ARPP21: variants seen among roughly 807,000 people sequenced by gnomAD.
The protein encoded by ARPP21 is cAMP regulated phosphoprotein 21, also known as cAMP-regulated phosphoprotein 21.
A neutral mutation model predicts 113.2 loss-of-function variants in ARPP21; 69 were observed. The observed-to-expected ratio is 0.61, with a 90% confidence interval of 0.50 to 0.74. The LOEUF is 0.74. ARPP21 is among the 30% of genes least tolerant of loss of function. The pLI is 0.00. For synonymous variants in ARPP21, 368 were observed against 375.5 expected (o/e 0.98, Z 0.23); for missense variants, 1,070 against 1,037.4 (o/e 1.03, Z -0.43).
In ARPP21 at chr3:35,709,031, G is replaced by A. The variant is rs1407066170; in HGVS notation, c.858G>A (p.Glu286=). ...GTAAATCAATTGAAGAGAGAGAAGA[G>A]GAATATCAGAGAGTGAGGGAGAGAA... The part of the protein sequence containing the change: ...RRSKSIEERE[E]EYQRVRERIF... The change falls in exon 11 of 21, where the codon GAG becomes GAA. Residue 286 remains glutamate (E), a synonymous_variant. Coordinates refer to ENST00000684406, the MANE Select transcript of ARPP21 (RefSeq NM_001385562.1). 6.2e-7 allele frequency: 1 copy of A among 1,613,612 alleles called. No individual in the cohort carries two copies. Among genetic ancestry groups the A allele is most frequent in the African/African-American group, 1.3e-5 (1 of 74,910 alleles).
At position 35,793,782 on chromosome 3, in the gene ARPP21, G is replaced by C; in HGVS notation, c.2368G>C (p.Gly790Arg). ...CATGCTACCTAACCAGGCAGGTCAAGGGTCACTCCCAGCCACTGGAATGCC... is the reference window on the plus strand; with the variant it reads ...CATGCTACCTAACCAGGCAGGTCAACGGTCACTCCCAGCCACTGGAATGCC... ...PIMLPNQAGQ[G>R]SLPATGMPVY... The change falls in exon 21 of 21, where the codon GGG (glycine) becomes CGG (arginine). Residue 790 changes from glycine to arginine, a missense_variant. Coordinates refer to ENST00000684406, the MANE Select transcript of ARPP21 (RefSeq NM_001385562.1). The C allele has an allele frequency of 1.2e-6, 2 of 1,614,124 alleles. No homozygotes were observed. The highest frequency in any genetic ancestry group is 1.6e-4 in the Middle Eastern group (1 of 6,062).
chr3:35,706,208 G>A (rs916937293), intron 9 of ARPP21, among the ~76,000 whole-genome samples: 1 of 152,170 alleles, frequency 6.6e-6, no homozygotes, highest in Admixed American at 6.5e-5. Flanking sequence ...ATCATTCATT[G>A]AGTTCTGTGG....
chr3:35,685,033 T>C (rs1226428258), intron 5 of ARPP21: 18 of 984,834 alleles, frequency 1.8e-5, no homozygotes, highest in Non-Finnish European at 1.8e-5. Context: ...ATTGATGGCT[T>C]GTAATGTACT....
At chr3:35,792,295 C>A (rs910499855) in intron 19 of ARPP21, 87 bp from the exon 20 acceptor site, 1 of 1,138,430 alleles carries the variant, frequency 8.8e-7, no homozygotes. Flanking sequence ...TGTCTGAAGG[C>A]TGCCTTTTGA....
At chr3:35,688,794 C>A (rs1240544542) in intron 6 of ARPP21, among the ~76,000 whole-genome samples, 5 of 151,396 alleles carry the variant, frequency 3.3e-5, no homozygotes, top group Admixed American at 3.3e-4. Flanking sequence ...CTTTGGACAG[C>A]ATTAGGATAT....
rs2078427596 is a variant in ARPP21, at chr3:35,679,918, C to T, written c.-81C>T. ...TCCTGGCGTAGAACGACAGAAGCCG[C>T]TAGTAAGTCGCCAAGACCTACAGCA... On this transcript the variant is annotated 5_prime_UTR_variant, in exon 2 of 21. Transcript: ENST00000684406. 1 of 152,226 alleles carries T rather than the reference C, an allele frequency of 6.6e-6. No homozygotes were observed. The highest frequency in any genetic ancestry group is 2.1e-4 in the South Asian group (1 of 4,826). The allele number at this position is 152,226 out of a possible 1,614,324, so 9.4% of individuals were successfully genotyped here.
intron 9 of ARPP21, among the ~76,000 whole-genome samples, chr3:35,701,729 C>A (rs2086481748): frequency 6.6e-6 from 1 of 150,728 alleles, no homozygotes. Flanking sequence ...ATAGATAAAT[C>A]AAAAAGGACA....
chr3:35,668,027 A>AAGGAGAAGG (rs1553646508), intron 1 of ARPP21, among the ~76,000 whole-genome samples: 10 of 132,362 alleles, frequency 7.6e-5, no homozygotes, highest in African/African-American at 2.0e-4. Flanking sequence ...GAAGAAGAAG[A>AAGGAGAAGG]AGAAGGAGAA....
intron 19 of ARPP21, among the ~76,000 whole-genome samples, chr3:35,791,221 T>C (rs1162274768): frequency 2.3e-4 from 35 of 152,220 alleles, no homozygotes; most frequent in Admixed American, 2.2e-3. Context: ...AATATATAGA[T>C]TACTTATGAA....
intron 9 of ARPP21, among the ~76,000 whole-genome samples, chr3:35,701,443 C>A (rs747146625): frequency 6.6e-6 from 1 of 151,592 alleles, no homozygotes; most frequent in Non-Finnish European, 1.5e-5. Context: ...ATCTATCTGA[C>A]CTGTGTGACT....
At chr3:35,688,516 C>A (rs2081269613) in intron 6 of ARPP21, among the ~76,000 whole-genome samples, 1 of 151,580 alleles carries the variant, frequency 6.6e-6, no homozygotes, top group African/African-American at 2.4e-5. Context: ...CCATACCTAT[C>A]ATGGTACAAA....
intron 19 of ARPP21, among the ~76,000 whole-genome samples, chr3:35,751,031 A>G (rs745914750): frequency 7.2e-5 from 11 of 152,184 alleles, no homozygotes; most frequent in African/African-American, 9.7e-5. Context: ...GGACAGTTCA[A>G]CAATCTGCCT....
rs137919871 is a variant in ARPP21 at position 35,647,612 on chromosome 3, G to T, written c.-213+7214G>T. Among the ~76,000 whole-genome samples the T allele has an allele frequency of 3.2e-3, 487 of 152,298 alleles. 1 individual carries two copies. Among genetic ancestry groups the T allele is most frequent in the Non-Finnish European group, 4.4e-3 (300 of 68,022 alleles). On this transcript the variant is annotated intron_variant, in intron 1 of 20. Coordinates refer to ENST00000684406, the MANE Select transcript of ARPP21 (RefSeq NM_001385562.1). The stretch of plus-strand genomic sequence containing the variant: ...CAGGGAAATAAGGGCTAAAAGTGGT[G>T]TATCTGAATCGCATTTTCTGTGACT...
At chr3:35,759,651 AT>A (rs1240678258) in intron 19 of ARPP21, among the ~76,000 whole-genome samples, 13 of 119,734 alleles carry the variant, frequency 1.1e-4, no homozygotes, top group Admixed American at 2.4e-4. Flanking sequence ...TTTTATTTTC[AT>A]TTTTTTCCTT....
intron 9 of ARPP21, among the ~76,000 whole-genome samples, chr3:35,703,509 G>A (rs2087376197): frequency 6.6e-6 from 1 of 151,610 alleles, no homozygotes; most frequent in Admixed American, 6.6e-5. Context: ...TACAAATTGT[G>A]GAAAAACATA....
At position 35,739,417 on chromosome 3, in the gene ARPP21, T is replaced by A; in HGVS notation, c.1850T>A (p.Leu617His). The A allele has an allele frequency of 1.2e-6, 2 of 1,614,166 alleles. No individual in the cohort carries two copies. Among genetic ancestry groups the A allele is most frequent in the East Asian group, 2.2e-5 (1 of 44,850 alleles). ...PPSGPVYPSS[L>H]MPQPAQQPSY... ...TCAGGTCCTGTCTACCCATCCTCCC[T>A]TATGCCACAGCCGGCCCAGCAGCCC... The change falls in exon 18 of 21, where the codon CTT (leucine) becomes CAT (histidine). Residue 617 changes from leucine to histidine, a missense_variant. Transcript: ENST00000684406.
intron 19 of ARPP21, among the ~76,000 whole-genome samples, chr3:35,762,901 G>A (rs2095834353): frequency 6.6e-6 from 1 of 152,094 alleles, no homozygotes; most frequent in African/African-American, 2.4e-5. Flanking sequence ...TGCTGGTGAG[G>A]AGGGGCCATT....
intron 14 of ARPP21, among the ~76,000 whole-genome samples, chr3:35,727,183 G>A (rs1286034023): frequency 1.3e-5 from 2 of 152,204 alleles, no homozygotes; most frequent in South Asian, 2.1e-4. Context: ...GGGAAAGCAA[G>A]AGAAGATGCC....
intron 1 of ARPP21, among the ~76,000 whole-genome samples, chr3:35,648,721 C>T (rs991041377): frequency 6.6e-6 from 1 of 152,112 alleles, no homozygotes; most frequent in Non-Finnish European, 1.5e-5. Context: ...AATTGAGAGC[C>T]ACAGATAGTA....
Sources: allele counts gnomAD v4.1 joint callset (sites outside exome capture counted in the v4.1 genomes callset), GRCh38; gene constraint gnomAD v4.1.1; transcripts MANE v1.5; gene names NCBI Gene and HGNC (gene_info 2026-07-23, HGNC 2026-07-21).